The following ISCU variants were observed in gnomAD, a reference collection of about 807,000 sequenced individuals.
The protein encoded by ISCU is iron-sulfur cluster assembly enzyme ISCU.
In ISCU, 13 loss-of-function variants were observed where a neutral mutation model predicts 18.4. The observed-to-expected ratio is 0.71, with a 90% CI of 0.46 to 1.12. The LOEUF is 1.12. Among genes scored for constraint, ISCU ranks in the 50% most tolerant of loss-of-function variants. ISCU has a pLI of 0.00. For synonymous variants in ISCU, 104 were observed against 87.5 expected (o/e 1.19, Z -1.06); for missense variants, 229 against 208.7 (o/e 1.10, Z -0.60).
At chr12:108,564,845 A>G (rs1458576828) in intron 2 of ISCU, among the ~76,000 whole-genome samples, 3 of 152,236 alleles carry the variant, frequency 2.0e-5, no homozygotes, top group Admixed American at 1.3e-4. Context: ...CTGCTGCTTC[A>G]TGGTGAGTGG....
At chr12:108,567,475 C>A in intron 4 of ISCU, 1 of 718,842 alleles carries the variant, frequency 1.4e-6, no homozygotes, top group Non-Finnish European at 2.4e-6. Flanking sequence ...GAGGTATGCA[C>A]CAGCCATCAT....
chr12:108,567,503 C>A, intron 4 of ISCU: 1 of 738,816 alleles, frequency 1.4e-6, no homozygotes, highest in Non-Finnish European at 2.3e-6. Flanking sequence ...ACTTCATGGG[C>A]GTAATTTCTA....
In ISCU at chr12:108,564,339, G is replaced by A. The variant is rs1202910510; in HGVS notation, c.175G>A (p.Val59Ile). 1.2e-6 allele frequency: 2 copies of A among 1,614,116 alleles called. No individual in the cohort carries two copies. The highest frequency in any genetic ancestry group is 2.2e-5 in the South Asian group (2 of 91,092). The change falls in exon 2 of 5, where the codon GTT (valine) becomes ATT (isoleucine). Residue 59 changes from valine (V) to isoleucine (I), a missense_variant. Val to Ile is a conservative substitution (Grantham distance 29, BLOSUM62 3). Coordinates refer to ENST00000311893, the MANE Select transcript of ISCU (RefSeq NM_213595.4). ...GTCCCTTGACAAGACATCTAAAAAT[G>A]TTGGAACTGGACTGGTGGGGGCTCC... ...VGSLDKTSKN[V>I]GTGLVGAPAC...
chr12:108,564,195 A>T (rs544651819), intron 1 of ISCU, 84 bp from the exon 2 acceptor site: 1 of 1,568,946 alleles, frequency 6.4e-7, no homozygotes, highest in Non-Finnish European at 8.8e-7. Context: ...CAGGTTCAAG[A>T]TGCTGACCGA....
chr12:108,564,447 C>G, intron 2 of ISCU, 55 bp downstream of exon 2: 2 of 1,219,884 alleles, frequency 1.6e-6, no homozygotes, highest in Non-Finnish European at 2.4e-6. Flanking sequence ...GTTTACAAAG[C>G]ACTTGCGCAT....
At chr12:108,564,510 T>A (rs1241888649) in intron 2 of ISCU, 118 bp downstream of exon 2, 1 of 758,060 alleles carries the variant, frequency 1.3e-6, no homozygotes, top group East Asian at 2.7e-5. Flanking sequence ...TTTCACTTGG[T>A]CTCCATTCCT....
At chr12:108,565,214 G>A in intron 2 of ISCU, 107 bp from the exon 3 acceptor site, 1 of 804,866 alleles carries the variant, frequency 1.2e-6, no homozygotes, top group Non-Finnish European at 2.2e-6. Context: ...ACTTAGTGTG[G>A]AAAGCAAGCC....
intron 1 of ISCU, chr12:108,563,630 C>T (rs1328820068): frequency 8.3e-6 from 2 of 241,092 alleles, no homozygotes; most frequent in Non-Finnish European, 8.3e-6. Flanking sequence ...TGGCTTCTGC[C>T]CTTTCTCCAA....
upstream of ISCU, among the ~76,000 whole-genome samples, chr12:108,561,971 TTA>T (rs1248941422): frequency 6.6e-6 from 1 of 152,208 alleles, no homozygotes; most frequent in Non-Finnish European, 1.5e-5. Flanking sequence ...TGGGCAGGAA[TTA>T]TGTCTGTTTT....
chr12:108,565,657 C>T (rs979250294), intron 3 of ISCU, among the ~76,000 whole-genome samples: 1 of 152,042 alleles, frequency 6.6e-6, no homozygotes, highest in East Asian at 1.9e-4. Flanking sequence ...AAGATCCTCA[C>T]CTGTCCCTCT....
chr12:108,568,698 C>T, intron 4 of ISCU, 133 bp from the exon 5 acceptor site: 1 of 1,516,824 alleles, frequency 6.6e-7, no homozygotes, highest in South Asian at 1.3e-5. Context: ...CAACTCCTCA[C>T]CCCAGCTTTC....
intron 4 of ISCU, 189 bp from the exon 5 acceptor site, chr12:108,568,642 C>T (rs1198887408): frequency 6.9e-7 from 1 of 1,446,490 alleles, no homozygotes; most frequent in African/African-American, 1.4e-5. Flanking sequence ...TCCAGGATCA[C>T]CCGCAGGAGT....
At chr12:108,563,197 A>G (rs964628637) in intron 1 of ISCU, 2 of 153,624 alleles carry the variant, frequency 1.3e-5, no homozygotes, top group Admixed American at 6.5e-5. Flanking sequence ...GAGTCCTGGC[A>G]TGGTTCCTGG....
At position 108,562,664 on chromosome 12, in the gene ISCU, G is replaced by C. The variant is rs1385544733; in HGVS notation, c.42G>C (p.Ser14=). The change falls in exon 1 of 5, where the codon TCG becomes TCC. Residue 14 remains serine (S), a synonymous_variant. Coordinates refer to ENST00000311893, the MANE Select transcript of ISCU (RefSeq NM_213595.4). The stretch of plus-strand genomic sequence containing the variant: ...CTTTCCGTCTGAGGCGGGCGGCATC[G>C]GCTCTGCTGCTGCGGAGCCCCCGCC... ...AGAFRLRRAA[S]ALLLRSPRLP... 4 of 1,450,624 alleles carry C rather than the reference G, an allele frequency of 2.8e-6. No individual in the cohort carries two copies. The East Asian group carries it at 8.7e-5, about 31-fold the overall frequency. The allele number at this position is 1,450,624 out of a possible 1,614,324, so 89.9% of individuals were successfully genotyped here.
At chr12:108,564,508 G>C (rs949011007) in intron 2 of ISCU, 116 bp downstream of exon 2, 13 of 766,288 alleles carry the variant, frequency 1.7e-5, no homozygotes, top group Non-Finnish European at 2.7e-5. Flanking sequence ...CATTTCACTT[G>C]GTCTCCATTC....
intron 2 of ISCU, 109 bp from the exon 3 acceptor site, chr12:108,565,212 T>C: frequency 1.3e-6 from 1 of 792,522 alleles, no homozygotes; most frequent in South Asian, 1.4e-5. Context: ...TCACTTAGTG[T>C]GGAAAGCAAG....
intron 3 of ISCU, among the ~76,000 whole-genome samples, chr12:108,566,549 G>A (rs1329685182): frequency 6.6e-6 from 1 of 152,208 alleles, no homozygotes; most frequent in African/African-American, 2.4e-5. Flanking sequence ...GGGAAATCTG[G>A]TTTTCTGTAA....
chr12:108,562,490 T>C (rs932483685), upstream of ISCU: 65 of 496,146 alleles, frequency 1.3e-4, no homozygotes, highest in East Asian at 2.1e-3. Context: ...GGCGGACGCG[T>C]GCACGGAGCG....
At chr12:108,566,227 G>A (rs921985525) in intron 3 of ISCU, among the ~76,000 whole-genome samples, 2 of 152,262 alleles carry the variant, frequency 1.3e-5, no homozygotes, top group African/African-American at 4.8e-5. Flanking sequence ...GCTTCCTGTG[G>A]CTCACGGCCT....
Sources: gnomAD v4.1 joint callset for allele counts (sites outside exome capture counted in the v4.1 genomes callset) on GRCh38, gnomAD v4.1.1 for gene constraint, MANE v1.5 for transcripts, NCBI Gene and HGNC (gene_info 2026-07-23, HGNC 2026-07-21) for gene names.